Variants in KCNK9 observed in about 807,000 individuals in gnomAD.
The protein encoded by KCNK9 is potassium two pore domain channel subfamily K member 9, also known as potassium channel subfamily K member 9.
Under a neutral mutation model 10.8 loss-of-function variants are expected in KCNK9, and 1 was observed. The ratio of observed to expected loss-of-function variants is 0.09; its 90% CI spans 0.03 to 0.44. The LOEUF (loss-of-function observed/expected upper bound fraction) is 0.44. KCNK9 is among the 20% of genes least tolerant of loss of function. The pLI is 0.97. For missense variants in KCNK9, 303 were observed against 515.0 expected (o/e 0.59, Z 3.98); for synonymous variants, 231 against 222.7 (o/e 1.04, Z -0.33).
chr8:139,687,402 A>G lies in KCNK9; in HGVS notation c.283+15308T>C, dbSNP rs572858174. On this transcript the variant is annotated intron_variant, in intron 1 of 1. Coordinates refer to ENST00000520439, the MANE Select transcript of KCNK9 (RefSeq NM_001282534.2). ...TATATATGAATATATATGTGTATAC[A>G]TATATATTCATATATGTGTATACAT... Among the ~76,000 whole-genome samples the G allele has an allele frequency of 9.9e-5, 9 of 90,968 alleles. 1 individual carries two copies. The highest frequency in any genetic ancestry group is 3.4e-4 in the African/African-American group (9 of 26,552). The allele number at this position is 90,968 out of a possible 152,430, so 59.7% of individuals were successfully genotyped here.
intron 1 of KCNK9, among the ~76,000 whole-genome samples, chr8:139,681,949 C>A (rs1366436592): frequency 6.6e-6 from 1 of 152,230 alleles, no homozygotes; most frequent in Non-Finnish European, 1.5e-5. Context: ...CTTCCTGTGG[C>A]CCAGCCCATG....
chr8:139,601,086 C>T (rs1420125575), downstream of KCNK9: 1 of 152,160 alleles, frequency 6.6e-6, no homozygotes, highest in African/African-American at 2.4e-5. Flanking sequence ...CCCGCCGGGC[C>T]CTGCAGGAGG....
chr8:139,608,571 G>C (rs139883015), downstream of KCNK9, among the ~76,000 whole-genome samples: 127 of 139,228 alleles, frequency 9.1e-4, no homozygotes, highest in Non-Finnish European at 1.7e-3. Context: ...AGAGGCTCTT[G>C]CACCCCCACC....
downstream of KCNK9, among the ~76,000 whole-genome samples, chr8:139,613,058 A>G (rs1814480628): frequency 2.0e-5 from 3 of 152,250 alleles, no homozygotes; most frequent in Non-Finnish European, 4.4e-5. Flanking sequence ...AGTCTGTATC[A>G]GACAATAAGA....
intron 1 of KCNK9, among the ~76,000 whole-genome samples, chr8:139,672,482 G>A (rs1458067548): frequency 6.6e-6 from 1 of 152,162 alleles, no homozygotes; most frequent in Non-Finnish European, 1.5e-5. Context: ...CATTCACTTG[G>A]GCAAATGTAG....
chr8:139,660,157 C>G lies in KCNK9; in HGVS notation c.284-41058G>C, dbSNP rs550254597. On this transcript the variant is annotated intron_variant, in intron 1 of 1. Coordinates refer to ENST00000520439, the MANE Select transcript of KCNK9 (RefSeq NM_001282534.2). Reference sequence around the variant, plus strand: ...GACCTCGGGCACATTTCAGAAGGTACACGTTGAGCCTCAACCTCTCTGGAA... The same window carrying G: ...GACCTCGGGCACATTTCAGAAGGTAGACGTTGAGCCTCAACCTCTCTGGAA... 5.9e-5 allele frequency among the ~76,000 whole-genome samples: 9 copies of G among 152,224 alleles called. No individual in the cohort carries two copies. The South Asian group carries it at 1.9e-3, about 32-fold the overall frequency.
chr8:139,669,893 C>T (rs796881963), intron 1 of KCNK9, among the ~76,000 whole-genome samples: 7 of 152,300 alleles, frequency 4.6e-5, no homozygotes, highest in African/African-American at 1.7e-4. Context: ...CTCCTTAATC[C>T]ATGGGCTGCA....
intron 1 of KCNK9, among the ~76,000 whole-genome samples, chr8:139,692,058 T>C (rs1398474199): frequency 2.0e-5 from 3 of 152,174 alleles, no homozygotes; most frequent in Non-Finnish European, 4.4e-5. Context: ...GGAGAGGATG[T>C]TGGAGGTGGA....
In KCNK9 at chr8:139,660,449, A is replaced by AATAT. The variant is rs35118138; in HGVS notation, c.284-41354_284-41351dup. On this transcript the variant is annotated intron_variant, in intron 1 of 1. Coordinates refer to ENST00000520439, the MANE Select transcript of KCNK9 (RefSeq NM_001282534.2). ...GTGAAACCCGTCTCTGCTAAAAAAA[A>AATAT]ATATATATATATATATATATATTAG... 7.0e-4 allele frequency among the ~76,000 whole-genome samples: 92 copies of AATAT among 131,184 alleles called. 1 individual carries two copies. The highest frequency in any genetic ancestry group is 2.2e-3 in the Admixed American group (29 of 13,488). 86.1% of individuals were successfully genotyped at this position (131,184 alleles called of 152,430 possible).
intron 1 of KCNK9, among the ~76,000 whole-genome samples, chr8:139,700,170 G>A (rs1817170795): frequency 6.6e-6 from 1 of 152,240 alleles, no homozygotes. Context: ...TTAGGGCAGA[G>A]AGCGGAGGCT....
intron 1 of KCNK9, among the ~76,000 whole-genome samples, chr8:139,668,891 G>A (rs763715709): frequency 1.3e-5 from 2 of 152,182 alleles, no homozygotes; most frequent in Non-Finnish European, 2.9e-5. Flanking sequence ...ACGTTCAGCT[G>A]CTTTCTTTTC....
At chr8:139,687,510 G>GTATACATA (rs1554627040) in intron 1 of KCNK9, among the ~76,000 whole-genome samples, 1,205 of 31,756 alleles carry the variant, frequency 0.038, 425 homozygotes, top group Non-Finnish European at 0.049. Flanking sequence ...ACATATATAT[G>GTATACATA]TATACACATA....
At chr8:139,635,507 A>G (rs1195502424) in intron 1 of KCNK9, among the ~76,000 whole-genome samples, 1 of 152,218 alleles carries the variant, frequency 6.6e-6, no homozygotes. Context: ...TGTATCAGCT[A>G]TTTGACCTTG....
At chr8:139,610,083 C>T (rs1267542049), downstream of KCNK9, among the ~76,000 whole-genome samples, 1 of 152,210 alleles carries the variant, frequency 6.6e-6, no homozygotes, top group East Asian at 1.9e-4. Flanking sequence ...CCTCCCTCAG[C>T]CTCCACCACC....
downstream of KCNK9, among the ~76,000 whole-genome samples, chr8:139,613,882 CCA>C (rs1236266874): frequency 6.6e-6 from 1 of 152,230 alleles, no homozygotes; most frequent in African/African-American, 2.4e-5. Context: ...CAGAACAAAG[CCA>C]CAGTTTGCCA....
chr8:139,624,613 C>A (rs529899190), intron 1 of KCNK9, among the ~76,000 whole-genome samples: 1 of 152,254 alleles, frequency 6.6e-6, no homozygotes, highest in Admixed American at 6.5e-5. Context: ...TGAAGGAGAT[C>A]CAGGAAAACC....
At chr8:139,607,917 G>C (rs920271900), downstream of KCNK9, among the ~76,000 whole-genome samples, 20 of 152,284 alleles carry the variant, frequency 1.3e-4, no homozygotes, top group Admixed American at 1.1e-3. Context: ...TAAGTGACTT[G>C]CCAAGACCAA....
intron 1 of KCNK9, among the ~76,000 whole-genome samples, chr8:139,635,393 G>C (rs1732677332): frequency 6.6e-6 from 1 of 152,228 alleles, no homozygotes; most frequent in Admixed American, 6.5e-5. Context: ...TGCCCCAAAG[G>C]GCCAGCGGAG....
downstream of KCNK9, among the ~76,000 whole-genome samples, chr8:139,609,477 T>C (rs1244524562): frequency 6.6e-6 from 1 of 152,112 alleles, no homozygotes; most frequent in East Asian, 1.9e-4. Context: ...GAGGAAGACA[T>C]GGCAGGGTGG....
Sources: allele counts gnomAD v4.1 joint callset (sites outside exome capture counted in the v4.1 genomes callset), GRCh38; gene constraint gnomAD v4.1.1; transcripts MANE v1.5; gene names NCBI Gene and HGNC (gene_info 2026-07-23, HGNC 2026-07-21).